PPP1R13L: variants seen among roughly 807,000 people sequenced by gnomAD.
PPP1R13L encodes protein phosphatase 1 regulatory subunit 13 like.
In PPP1R13L, 50 loss-of-function variants were observed where a neutral mutation model predicts 80.9. The ratio of observed to expected loss-of-function variants is 0.62; its 90% confidence interval spans 0.49 to 0.78. The LOEUF (loss-of-function observed/expected upper bound fraction) is 0.78. PPP1R13L is among the 30% of genes least tolerant of loss of function. The pLI, the probability that PPP1R13L is intolerant of heterozygous loss-of-function variation, is 0.00. For missense variants in PPP1R13L, 1,200 were observed against 1,205.9 expected, an observed-to-expected ratio of 1.00 and a Z score of 0.07; for synonymous variants, 602 against 534.3, an observed-to-expected ratio of 1.13 and a Z score of -1.75.
At chr19:45,404,920 G>T in intron 1 of PPP1R13L, 79 bp downstream of exon 1, 1 of 891,388 alleles carries the variant, frequency 1.1e-6, no homozygotes, top group Non-Finnish European at 1.3e-6. Flanking sequence ...CCTGGCGTCC[G>T]AGTCCCCTCC....
At chr19:45,390,614 G>A (rs991552140) in intron 8 of PPP1R13L, among the ~76,000 whole-genome samples, 6 of 152,034 alleles carry the variant, frequency 3.9e-5, no homozygotes, top group South Asian at 2.1e-4. Flanking sequence ...TTTCTTTTTC[G>A]GGGAGCTCGG....
chr19:45,395,692 G>A lies in PPP1R13L; in HGVS notation c.1098C>T (p.Arg366=), dbSNP rs1317454386. ...PSSPQPRGAP[R]QRPIPLSMIF... ...TCATGCTGAGGGGGATGGGACGCTG[G>A]CGCGGGGCCCCGCGGGGCTGGGGGC... The change falls in exon 7 of 13, where the codon CGC becomes CGT. Residue 366 remains arginine, a synonymous_variant. Transcript: ENST00000360957. 6 of 1,448,540 alleles carry A rather than the reference G, an allele frequency of 4.1e-6. No homozygotes were observed. In the African/African-American group the frequency reaches 7.3e-5, roughly 18 times the overall value. 89.7% of individuals were successfully genotyped at this position (1,448,540 alleles called of 1,614,324 possible).
At position 45,396,703 on chromosome 19, in the gene PPP1R13L, C is replaced by G. The variant is rs1439807864; in HGVS notation, c.554G>C (p.Arg185Pro). The change falls in exon 4 of 13, where the codon CGC becomes CCC. Residue 185 changes from arginine (R) to proline (P), a missense_variant. Arg to Pro is a moderately radical substitution (Grantham distance 103). This residue lies in a region of PPP1R13L where 764 missense variants were observed against 714.5 expected (regional missense o/e 1.07). Transcript: ENST00000360957. This position sits in a 1 kb window ranked among gnomAD's most constrained non-coding sequence, Gnocchi z 5.3. ...GGGCCCCTCCGCCAGGGGGCTGCCG[C>G]GGGGGGAGCCTGCGCGGCCCAGGAA... ...FDFLGRAGSP[R>P]GSPLAEGPQA... The G allele has an allele frequency of 7.1e-6, 10 of 1,403,112 alleles. No homozygotes were observed. The highest frequency in any genetic ancestry group is 9.2e-6 in the Non-Finnish European group (10 of 1,088,190). 86.9% of individuals were successfully genotyped at this position (1,403,112 alleles called of 1,614,324 possible).
rs1255741567 is a variant in PPP1R13L at position 45,395,770 on chromosome 19, G to A, written c.1020C>T (p.Gly340=). 6.4e-7 allele frequency: 1 copy of A among 1,554,050 alleles called. No homozygotes were observed. The highest frequency in any genetic ancestry group is 2.3e-5 in the East Asian group (1 of 42,820). Reference sequence around the variant, plus strand: ...CGGGCTGCCAGCTGCGAGGCAAAGTGCCCGACGGCCCCGCGGAGCCCAGCG... The same window carrying A: ...CGGGCTGCCAGCTGCGAGGCAAAGTACCCGACGGCCCCGCGGAGCCCAGCG... ...RRSLGSAGPS[G]TLPRSWQPVS... Residue 340 remains glycine, a synonymous_variant, in exon 7 of 13, where the codon GGC becomes GGT. Coordinates refer to ENST00000360957, the MANE Select transcript of PPP1R13L (RefSeq NM_006663.4).
At chr19:45,386,230 T>C (rs770775316) in intron 8 of PPP1R13L, 50 bp from the exon 9 acceptor site, 13 of 1,453,340 alleles carry the variant, frequency 8.9e-6, no homozygotes, top group Non-Finnish European at 1.1e-5. Context: ...TGTTAGTATA[T>C]CCATGATCTA....
Position 45,397,006 on chromosome 19 carries a change from G to A in PPP1R13L, c.251C>T (p.Ser84Phe), listed in dbSNP as rs901224347. The change falls in exon 4 of 13, where the codon TCC (serine) becomes TTC (phenylalanine). Residue 84 changes from serine to phenylalanine, a missense_variant. Ser to Phe is a radical substitution (Grantham distance 155). Around this residue, in one of 5 missense-constraint regions of PPP1R13L, gnomAD observed 764 missense variants for 714.5 expected, o/e 1.07. Coordinates refer to ENST00000360957, the MANE Select transcript of PPP1R13L (RefSeq NM_006663.4). ...SIPEPFGSRG[S>F]PRKAATDGAD... ...GCCGTCGGTGGCCGCCTTCCGGGGG[G>A]ACCCTCGGCTGCCGAAGGGCTCAGG... 5.1e-6 allele frequency: 7 copies of A among 1,374,720 alleles called. No individual in the cohort carries two copies. In the African/African-American group the frequency reaches 7.5e-5, roughly 15 times the overall value. The allele number at this position is 1,374,720 out of a possible 1,614,324, so 85.2% of individuals were successfully genotyped here.
At chr19:45,380,582 C>T (rs960343291) in intron 12 of PPP1R13L, among the ~76,000 whole-genome samples, 4 of 152,036 alleles carry the variant, frequency 2.6e-5, no homozygotes, top group South Asian at 2.1e-4. Context: ...GTTTGGGAGG[C>T]CGAGGTGGGT....
Position 45,391,955 on chromosome 19 carries a change from A to T in PPP1R13L, c.1740T>A (p.Pro580=), listed in dbSNP as rs773547766. The change falls in exon 8 of 13, where the codon CCT becomes CCA. Residue 580 remains proline, a synonymous_variant. Coordinates refer to ENST00000360957, the MANE Select transcript of PPP1R13L (RefSeq NM_006663.4). ...GAATGGGAGCTGGTGGGGCAGGAGC[A>T]GGGGGCCCTGCCCTGGCCTCAGATC... ...TEGSEARAGP[P]APAPPAPIPP... is the part of the protein sequence containing the mutation. 5 of 1,509,108 alleles carry T rather than the reference A, an allele frequency of 3.3e-6. No individual in the cohort carries two copies. Among genetic ancestry groups the T allele is most frequent in the Non-Finnish European group, 4.4e-6 (5 of 1,131,020 alleles). 93.5% of individuals were successfully genotyped at this position (1,509,108 alleles called of 1,614,324 possible). A position where few individuals can be genotyped will look rare whatever the true frequency, so the allele number is the denominator to read the frequency against.
chr19:45,399,707 ACTTTGGGAGGC>A lies in PPP1R13L; in HGVS notation c.-21-1379_-21-1369del, dbSNP rs1250045879. On this transcript the variant is annotated intron_variant, in intron 1 of 12. Coordinates refer to ENST00000360957, the MANE Select transcript of PPP1R13L (RefSeq NM_006663.4). ...GGTGGTTCACTCCTGTAACCCGAGC[ACTTTGGGAGGC>A]CGAGGTGGATGGATCGCTTGAAGCC... Among the ~76,000 whole-genome samples the A allele has an allele frequency of 1.5e-4, 23 of 151,956 alleles. 1 individual carries two copies.
At chr19:45,392,554 T>C (rs1469653831) in intron 7 of PPP1R13L, 1 of 660,624 alleles carries the variant, frequency 1.5e-6, no homozygotes, top group Non-Finnish European at 2.7e-6. Context: ...GCCTGGCGCT[T>C]TACATGCCTA....
chr19:45,385,517 T>G (rs762426643), intron 11 of PPP1R13L, 45 bp downstream of exon 11: 1 of 1,561,534 alleles, frequency 6.4e-7, no homozygotes, highest in Non-Finnish European at 8.7e-7. Context: ...TCCCCGCTCC[T>G]GCGCACCCGC....
chr19:45,396,832 C>G lies in PPP1R13L; in HGVS notation c.425G>C (p.Arg142Pro). 2.0e-6 allele frequency: 3 copies of G among 1,488,940 alleles called. No homozygotes were observed. Among genetic ancestry groups the G allele is most frequent in the East Asian group, 5.6e-5 (2 of 35,758 alleles). The allele number at this position is 1,488,940 out of a possible 1,614,324, so 92.2% of individuals were successfully genotyped here. A position where few individuals can be genotyped will look rare whatever the true frequency, so the allele number is the denominator to read the frequency against. The change falls in exon 4 of 13, where the codon CGG becomes CCG. Residue 142 changes from arginine (R) to proline (P), a missense_variant. By Grantham distance (103) the Arg-to-Pro change is moderately radical (BLOSUM62 -2). Coordinates refer to ENST00000360957, the MANE Select transcript of PPP1R13L (RefSeq NM_006663.4). The surrounding 1 kb of genome is among the most constrained non-coding windows in gnomAD (Gnocchi z 5.3). ...YGSLDRATSP[R>P]PRAFDGAGSS... ...GCCTGCGCCATCGAAGGCGCGGGGC[C>G]GGGGCGAGGTCGCGCGGTCCAGGCT...
chr19:45,389,982 C>T (rs887219981), intron 8 of PPP1R13L, among the ~76,000 whole-genome samples: 2 of 151,736 alleles, frequency 1.3e-5, no homozygotes, highest in Admixed American at 6.6e-5. Flanking sequence ...TTAGTAGAGA[C>T]GGGGTTTCAC....
intron 1 of PPP1R13L, among the ~76,000 whole-genome samples, chr19:45,399,555 T>C (rs911643242): frequency 2.3e-4 from 33 of 143,990 alleles, no homozygotes; most frequent in African/African-American, 8.3e-4. Context: ...ACCCGGGAGG[T>C]GGAGCTTGAA....
At chr19:45,385,797 C>G in intron 10 of PPP1R13L, 27 bp downstream of exon 10, 2 of 1,609,362 alleles carry the variant, frequency 1.2e-6, no homozygotes. Context: ...ACGGGGGACC[C>G]AGCCCACCGC....
Position 45,392,221 on chromosome 19 carries a change from T to G in PPP1R13L, c.1474A>C (p.Arg492=). 6.2e-7 allele frequency: 1 copy of G among 1,612,410 alleles called. No individual in the cohort carries two copies. Among genetic ancestry groups the G allele is most frequent in the South Asian group, 1.1e-5 (1 of 91,026 alleles). ...GPVARPLSPT[R]LQPALPPEAQ... is the part of the protein sequence containing the mutation. ...TCCGGTGGCAGTGCTGGCTGCAGCC[T>G]CGTGGGGCTGAGAGGCCTTGCTACA... The change falls in exon 8 of 13, where the codon AGG becomes CGG. Residue 492 remains arginine, a synonymous_variant. Coordinates refer to ENST00000360957, the MANE Select transcript of PPP1R13L (RefSeq NM_006663.4).
rs936839214 is a variant in PPP1R13L, at chr19:45,396,427, G to T, written c.722C>A (p.Thr241Lys). Residue 241 changes from threonine to lysine, a missense_variant, in exon 5 of 13, where the codon ACG becomes AAG. By Grantham distance (78) the Thr-to-Lys change is moderately conservative. Around this residue, in one of 5 missense-constraint regions of PPP1R13L, gnomAD observed 764 missense variants for 714.5 expected, o/e 1.07. Transcript: ENST00000360957. The surrounding 1 kb of genome is among the most constrained non-coding windows in gnomAD (Gnocchi z 5.3). ...GGCTTTCGGAGGCCGCCGGCGCAGCGTCAGGTCGTCTGGGGAGAAGTTTCC... is the reference window on the plus strand; with the variant it reads ...GGCTTTCGGAGGCCGCCGGCGCAGCTTCAGGTCGTCTGGGGAGAAGTTTCC... ...APPLRAQDDL[T>K]LRRRPPKAWN... 7 of 1,614,052 alleles carry T rather than the reference G, an allele frequency of 4.3e-6. No homozygotes were observed. The highest frequency in any genetic ancestry group is 5.9e-6 in the Non-Finnish European group (7 of 1,179,980).
At chr19:45,392,456 G>A (rs1359798784) in intron 7 of PPP1R13L, 116 bp from the exon 8 acceptor site, 6 of 1,077,490 alleles carry the variant, frequency 5.6e-6, no homozygotes, top group Non-Finnish European at 6.9e-6. Context: ...CCTCAGGGAA[G>A]TTCCTTGCCC....
chr19:45,393,840 C>T (rs1361838686), intron 7 of PPP1R13L, among the ~76,000 whole-genome samples: 1 of 151,962 alleles, frequency 6.6e-6, no homozygotes, highest in Non-Finnish European at 1.5e-5. Flanking sequence ...TGCACTCCAA[C>T]CTGGAAGAAA....
Sources: allele counts gnomAD v4.1 joint callset (sites outside exome capture counted in the v4.1 genomes callset), GRCh38; gene constraint gnomAD v4.1.1; regional missense constraint gnomAD v4.1.1; non-coding constraint Gnocchi (gnomAD v3.1); transcripts MANE v1.5; gene names NCBI Gene and HGNC (gene_info 2026-07-23, HGNC 2026-07-21).